ZW10: variants seen among roughly 807,000 people sequenced by gnomAD.
The protein encoded by ZW10 is centromere/kinetochore protein zw10 homolog.
ZW10 carries 53 observed loss-of-function variants against 87.8 expected under a neutral mutation model. That is an observed-to-expected ratio of 0.60 (90% CI 0.48 to 0.76). The LOEUF is 0.76. Ranked by LOEUF, ZW10 falls within the 30% of genes least tolerant of loss-of-function variation. The probability of loss-of-function intolerance (pLI) is 0.00; values close to 1 mark genes in which losing one functional copy is unlikely to be tolerated. For synonymous variants in ZW10, 312 were observed against 329.2 expected, an observed-to-expected ratio of 0.95 and a Z score of 0.57; for missense variants, 837 against 923.0, an observed-to-expected ratio of 0.91 and a Z score of 1.21.
At chr11:113,766,164 A>G (rs1953905061) in intron 2 of ZW10, among the ~76,000 whole-genome samples, 1 of 151,898 alleles carries the variant, frequency 6.6e-6, no homozygotes, top group Non-Finnish European at 1.5e-5. Context: ...TAAACCCAGA[A>G]GTTCGAGACC....
At chr11:113,766,306 A>C (rs561132047) in intron 2 of ZW10, among the ~76,000 whole-genome samples, 9 of 152,238 alleles carry the variant, frequency 5.9e-5, no homozygotes, top group Admixed American at 2.0e-4. Context: ...TTGAGGCTGC[A>C]GTGAGCCTTG....
At chr11:113,738,733 A>T (rs1340818436) in intron 12 of ZW10, among the ~76,000 whole-genome samples, 1 of 152,212 alleles carries the variant, frequency 6.6e-6, no homozygotes, top group Non-Finnish European at 1.5e-5. Flanking sequence ...AGTGAAACAC[A>T]TAGATTCTCT....
In ZW10 at chr11:113,773,655, G is replaced by A. The variant is rs947253047; in HGVS notation, c.12C>T (p.Phe4=). The A allele has an allele frequency of 1.2e-6, 2 of 1,612,952 alleles. No homozygotes were observed. The highest frequency in any genetic ancestry group is 1.3e-5 in the African/African-American group (1 of 74,816). Residue 4 remains phenylalanine, a synonymous_variant, in exon 1 of 16, where the codon TTC becomes TTT. Coordinates refer to ENST00000200135, the MANE Select transcript of ZW10 (RefSeq NM_004724.4). ...CGGAGTGTGCCAAAACTTCTGTCAC[G>A]AACGAGGCCATGGCCAAGACGGGAA... is the stretch of plus-strand genomic sequence containing the variant. MAS[F]VTEVLAHSGR...
chr11:113,741,473 G>A (rs1953617922), intron 11 of ZW10, among the ~76,000 whole-genome samples: 1 of 152,212 alleles, frequency 6.6e-6, no homozygotes, highest in African/African-American at 2.4e-5. Flanking sequence ...GTTTTAAAAT[G>A]TGCATCATGA....
Position 113,736,610 on chromosome 11 carries a change from T to C in ZW10, c.2219+10A>G. 1.2e-6 allele frequency: 2 copies of C among 1,613,924 alleles called. No homozygotes were observed. Among genetic ancestry groups the C allele is most frequent in the South Asian group, 2.2e-5 (2 of 91,080 alleles). On this transcript the variant is annotated intron_variant, in intron 15 of 15. Coordinates refer to ENST00000200135, the MANE Select transcript of ZW10 (RefSeq NM_004724.4). ...AGAGTTATATGCCTCTATAGAAGGGTTATACATACCGATCCCCAATTTCTT... is the reference window on the plus strand; with the variant it reads ...AGAGTTATATGCCTCTATAGAAGGGCTATACATACCGATCCCCAATTTCTT...
At chr11:113,741,243 G>A (rs189686427) in intron 11 of ZW10, among the ~76,000 whole-genome samples, 515 of 152,158 alleles carry the variant, frequency 3.4e-3, no homozygotes, top group Non-Finnish European at 5.2e-3. Flanking sequence ...GCCTTCCAAG[G>A]TGCTGGGATT....
intron 7 of ZW10, chr11:113,751,317 G>A: frequency 5.1e-6 from 1 of 197,906 alleles, no homozygotes; most frequent in Non-Finnish European, 1.1e-5. Context: ...GAAATAAAAA[G>A]GCCAAATACT....
chr11:113,769,086 T>C, intron 1 of ZW10, 119 bp from the exon 2 acceptor site: 1 of 993,432 alleles, frequency 1.0e-6, no homozygotes, highest in Non-Finnish European at 1.5e-6. Flanking sequence ...CAATTGCCTA[T>C]ACCCATTCAC....
intron 9 of ZW10, 108 bp from the exon 10 acceptor site, chr11:113,744,148 G>A: frequency 5.8e-6 from 5 of 860,698 alleles, no homozygotes; most frequent in Non-Finnish European, 8.8e-6. Context: ...AGCACTTTGG[G>A]AGGCCGAGGC....
intron 7 of ZW10, among the ~76,000 whole-genome samples, chr11:113,750,757 G>A (rs1300804823): frequency 1.3e-5 from 2 of 151,940 alleles, no homozygotes; most frequent in Non-Finnish European, 2.9e-5. Flanking sequence ...GATTTTAACA[G>A]GACCTGAACT....
intron 14 of ZW10, 79 bp from the exon 15 acceptor site, chr11:113,736,901 G>A (rs1953560091): frequency 2.2e-6 from 3 of 1,371,908 alleles, no homozygotes; most frequent in South Asian, 1.2e-5. Flanking sequence ...GATCTTTGAT[G>A]CATGCTGTCC....
rs1953701553 is a variant in ZW10, at chr11:113,748,290, T to G, written c.1056A>C (p.Pro352=). ...ATTGCTGTAATTTGCTGCTATTTGT[T>G]GGAATCGAATAAACCAAACAGTTTT... The part of the protein sequence containing the change: ...LIKNCLVYSI[P]TNSSKLQQYE... The change falls in exon 8 of 16, where the codon CCA becomes CCC. Residue 352 remains proline (P), a synonymous_variant. Transcript: ENST00000200135. 1.2e-6 allele frequency: 2 copies of G among 1,613,050 alleles called. No individual in the cohort carries two copies. Among genetic ancestry groups the G allele is most frequent in the Middle Eastern group, 3.3e-4 (2 of 6,056 alleles).
At chr11:113,751,287 C>A in intron 7 of ZW10, 1 of 279,216 alleles carries the variant, frequency 3.6e-6, no homozygotes, top group Non-Finnish European at 7.6e-6. Context: ...GGTGACCTAT[C>A]TTGCTCTCAG....
intron 15 of ZW10, among the ~76,000 whole-genome samples, chr11:113,734,979 T>C (rs1467417670): frequency 3.9e-5 from 6 of 152,196 alleles, no homozygotes; most frequent in Non-Finnish European, 5.9e-5. Flanking sequence ...ATAAATAACA[T>C]AAAAGTCAAG....
At chr11:113,760,992 A>C in intron 2 of ZW10, 74 bp from the exon 3 acceptor site, 1 of 1,178,620 alleles carries the variant, frequency 8.5e-7, no homozygotes, top group Non-Finnish European at 1.2e-6. Context: ...AAGCAAATCA[A>C]TAAGCTTTAC....
chr11:113,748,502 A>G (rs773280166), intron 7 of ZW10, 82 bp from the exon 8 acceptor site: 28 of 1,263,692 alleles, frequency 2.2e-5, no homozygotes, highest in Non-Finnish European at 2.8e-5. Flanking sequence ...GAATTCTTTA[A>G]TTTTAAGATG....
chr11:113,758,914 C>A (rs1358827919), intron 5 of ZW10, among the ~76,000 whole-genome samples: 1 of 152,188 alleles, frequency 6.6e-6, no homozygotes, highest in Non-Finnish European at 1.5e-5. Flanking sequence ...GGGCTCATGT[C>A]TGTAATCCCA....
rs750361016 is a variant in ZW10, at chr11:113,757,772, A to T, written c.815T>A (p.Ile272Lys). 3.7e-6 allele frequency: 6 copies of T among 1,613,936 alleles called. No homozygotes were observed. The highest frequency in any genetic ancestry group is 5.1e-6 in the Non-Finnish European group (6 of 1,179,864). ...LHAVIESQPNIVIIRFESIMT... is the reference protein window; with the variant it reads ...LHAVIESQPNKVIIRFESIMT... ...TATAGATTCAAAACGAATAATAACT[A>T]TGTTAGGCTGGCTTTCTATCACAGC... is the stretch of plus-strand genomic sequence containing the variant. The change falls in exon 7 of 16, where the codon ATA becomes AAA. Residue 272 changes from isoleucine to lysine, a missense_variant. Coordinates refer to ENST00000200135, the MANE Select transcript of ZW10 (RefSeq NM_004724.4).
chr11:113,748,182 C>T, intron 8 of ZW10, 75 bp downstream of exon 8: 1 of 1,386,040 alleles, frequency 7.2e-7, no homozygotes, highest in Non-Finnish European at 9.6e-7. Context: ...AACAAACTAT[C>T]TCCAAGGAAA....
Sources: allele counts gnomAD v4.1 joint callset (sites outside exome capture counted in the v4.1 genomes callset), GRCh38; gene constraint gnomAD v4.1.1; transcripts MANE v1.5; gene names NCBI Gene and HGNC (gene_info 2026-07-23, HGNC 2026-07-21).